TJP3: variants seen among roughly 807,000 people sequenced by gnomAD.
TJP3 encodes the protein tight junction protein 3.
TJP3 carries 85 observed loss-of-function variants against 104.2 expected under a neutral mutation model. That is an observed-to-expected ratio of 0.82 (90% CI 0.68 to 0.98). TJP3 has a LOEUF of 0.98. Among genes scored for constraint, TJP3 ranks in the 50% least tolerant of loss-of-function variants. The pLI is 0.00. For missense variants in TJP3, 1,367 were observed against 1,322.8 expected, an observed-to-expected ratio of 1.03 and a Z score of -0.52; for synonymous variants, 550 against 550.6, an observed-to-expected ratio of 1.00 and a Z score of 0.02.
chr19:3,731,533 T>C (rs2036670999), intron 5 of TJP3, among the ~76,000 whole-genome samples: 1 of 152,186 alleles, frequency 6.6e-6, no homozygotes, highest in African/African-American at 2.4e-5. Flanking sequence ...CCTGGGAGGC[T>C]GAGGCACGAG....
chr19:3,730,264 G>A lies in TJP3; in HGVS notation c.262-91G>A. ...GTTTGGACATTGAGGCCCAGAGAGA[G>A]ACTGGTGTCCCCCAGGGCCACCCGG... On this transcript the variant is annotated intron_variant, in intron 4 of 20. Coordinates refer to ENST00000541714, the MANE Select transcript of TJP3 (RefSeq NM_001267560.2). This position sits in a 1 kb window ranked among gnomAD's most constrained non-coding sequence, Gnocchi z 7.3. 6.8e-7 allele frequency: 1 copy of A among 1,472,294 alleles called. No individual in the cohort carries two copies. The highest frequency in any genetic ancestry group is 9.3e-7 in the Non-Finnish European group (1 of 1,079,708). 91.2% of individuals were successfully genotyped at this position (1,472,294 alleles called of 1,614,324 possible).
chr19:3,735,536 C>G (rs2036727070), intron 8 of TJP3, 30 bp from the exon 9 acceptor site: 1 of 1,611,772 alleles, frequency 6.2e-7, no homozygotes, highest in South Asian at 1.1e-5. Flanking sequence ...AAATCCATCC[C>G]TGCCTCACTC....
In TJP3 at chr19:3,747,955, G is replaced by T. The variant is rs571353377; in HGVS notation, c.2484G>T (p.Gly828=). The part of the protein sequence containing the change: ...DGEGYTDGEG[G]PYTDVDDEPP... ...AGGGCTACACAGACGGCGAGGGGGGGCCCTACACGGATGTGGATGATGAGC... is the reference window on the plus strand; with the variant it reads ...AGGGCTACACAGACGGCGAGGGGGGTCCCTACACGGATGTGGATGATGAGC... The change falls in exon 19 of 21, where the codon GGG becomes GGT. Residue 828 remains glycine (G), a synonymous_variant. Transcript: ENST00000541714. 19 of 1,612,964 alleles carry T rather than the reference G, an allele frequency of 1.2e-5. 1 individual carries two copies. The highest frequency in any genetic ancestry group is 2.7e-5 in the African/African-American group (2 of 75,060).
At chr19:3,748,102 AG>A (rs1240217932) in intron 19 of TJP3, 21 bp downstream of exon 19, 1 of 1,528,014 alleles carries the variant, frequency 6.5e-7, no homozygotes, top group Non-Finnish European at 8.8e-7. Flanking sequence ...CATGGGGGGC[AG>A]GCCTGGGAAG....
At chr19:3,726,929 T>TA (rs1394063939) in intron 1 of TJP3, among the ~76,000 whole-genome samples, 2 of 149,628 alleles carry the variant, frequency 1.3e-5, no homozygotes, top group African/African-American at 2.5e-5. Flanking sequence ...CTACAAACAA[T>TA]AAAAAAAATT....
Position 3,736,003 on chromosome 19 carries a change from G to A in TJP3, c.1127+68G>A, listed in dbSNP as rs570753605. On this transcript the variant is annotated intron_variant, in intron 10 of 20. Coordinates refer to ENST00000541714, the MANE Select transcript of TJP3 (RefSeq NM_001267560.2). ...ATCCCAGGCTGCCTCCCTCATCAGCGCAATCCTGCCTGCTTGTATCCATTG... is the reference window on the plus strand; with the variant it reads ...ATCCCAGGCTGCCTCCCTCATCAGCACAATCCTGCCTGCTTGTATCCATTG... The A allele has an allele frequency of 2.8e-5, 44 of 1,599,528 alleles. 1 individual carries two copies. The Middle Eastern group carries it at 1.0e-3, about 36-fold the overall frequency.
intron 1 of TJP3, among the ~76,000 whole-genome samples, chr19:3,720,912 T>TTC (rs1417707510): frequency 6.8e-6 from 1 of 146,156 alleles, no homozygotes; most frequent in Non-Finnish European, 1.5e-5. Context: ...TTTTTTTTTT[T>TTC]TTTTTTTTGA....
intron 15 of TJP3, among the ~76,000 whole-genome samples, chr19:3,745,745 GTC>G (rs2036878759): frequency 6.6e-6 from 1 of 152,182 alleles, no homozygotes. Flanking sequence ...GTGGCCTGTT[GTC>G]TCTGAGCCTC....
chr19:3,742,315 C>T (rs1276750251), intron 14 of TJP3, among the ~76,000 whole-genome samples: 1 of 151,696 alleles, frequency 6.6e-6, no homozygotes, highest in Non-Finnish European at 1.5e-5. Context: ...CGCCAGTAGT[C>T]CCAGCTACTT....
In TJP3 at chr19:3,747,902, G is replaced by A. The variant is rs746465166; in HGVS notation, c.2431G>A (p.Gly811Ser). 30 of 1,613,192 alleles carry A rather than the reference G, an allele frequency of 1.9e-5. No homozygotes were observed. The highest frequency in any genetic ancestry group is 9.9e-5 in the South Asian group (9 of 91,064). The change falls in exon 19 of 21, where the codon GGC (glycine) becomes AGC (serine). Residue 811 changes from glycine to serine, a missense_variant. Physicochemically the swap from Gly to Ser is moderately conservative, Grantham distance 56 (BLOSUM62 0). Transcript: ENST00000541714. The stretch of plus-strand genomic sequence containing the variant: ...CGTTAACAGCGACTACGAGACGGAC[G>A]GCGAGGGCGGCGCGTACACGGATGG... ...SRVNSDYETD[G>S]EGGAYTDGEG...
At chr19:3,719,132 C>T (rs1599144268) in intron 1 of TJP3, among the ~76,000 whole-genome samples, 1 of 151,962 alleles carries the variant, frequency 6.6e-6, no homozygotes, top group Admixed American at 6.6e-5. Context: ...TGCAGTGAGC[C>T]GAGACTGCGC....
Position 3,746,064 on chromosome 19 carries a change from C to A in TJP3, c.1993C>A (p.Arg665=), listed in dbSNP as rs781231267. The change falls in exon 16 of 21, where the codon CGG becomes AGG. Residue 665 remains arginine, a synonymous_variant. Coordinates refer to ENST00000541714, the MANE Select transcript of TJP3 (RefSeq NM_001267560.2). This position sits in a 1 kb window ranked among gnomAD's most constrained non-coding sequence, Gnocchi z 4.1. Reference sequence around the variant, plus strand: ...CAAGATCATCAAACTAGACACCGTGCGGGTGATTGCAGAAAAAGTAAGCCG... The same window carrying A: ...CAAGATCATCAAACTAGACACCGTGAGGGTGATTGCAGAAAAAGTAAGCCG... ...PSKIIKLDTV[R]VIAEKDKHAL... The A allele has an allele frequency of 5.0e-6, 8 of 1,609,146 alleles. No homozygotes were observed. In the Admixed American group the frequency reaches 1.3e-4, roughly 27 times the overall value.
chr19:3,746,558 T>A lies in TJP3; in HGVS notation c.2084T>A (p.Val695Glu). 6.2e-7 allele frequency: 1 copy of A among 1,614,068 alleles called. No individual in the cohort carries two copies. Among genetic ancestry groups the A allele is most frequent in the South Asian group, 1.1e-5 (1 of 91,084 alleles). Residue 695 changes from valine (V) to glutamate (E), a missense_variant, in exon 17 of 21, where the codon GTG (valine) becomes GAG (glutamate). Physicochemically the swap from Val to Glu is moderately radical, Grantham distance 121. Coordinates refer to ENST00000541714, the MANE Select transcript of TJP3 (RefSeq NM_001267560.2). The surrounding 1 kb of genome is among the most constrained non-coding windows in gnomAD (Gnocchi z 4.1). ...AACTATGTGCAGTACTACCCCATTGTGGTCTTCTTCATCCCCGAGAGCCGG... is the reference window on the plus strand; with the variant it reads ...AACTATGTGCAGTACTACCCCATTGAGGTCTTCTTCATCCCCGAGAGCCGG... ...RLNYVQYYPI[V>E]VFFIPESRPA... is the part of the protein sequence containing the mutation.
At chr19:3,722,847 A>C (rs2036554583) in intron 1 of TJP3, among the ~76,000 whole-genome samples, 1 of 3,346 alleles carries the variant, frequency 3.0e-4, no homozygotes, top group Non-Finnish European at 6.0e-4. Context: ...GTTCCTGGAG[A>C]TGGGGTGGCG....
chr19:3,747,885 G>A lies in TJP3; in HGVS notation c.2414G>A (p.Ser805Asn), dbSNP rs1374108279. Residue 805 changes from serine to asparagine, a missense_variant, in exon 19 of 21, where the codon AGC (serine) becomes AAC (asparagine). Transcript: ENST00000541714. ...CTCAGCTGCGACAGCCGCGTTAACA[G>A]CGACTACGAGACGGACGGCGAGGGC... Reference protein sequence around the residue: ...ADLSCDSRVNSDYETDGEGGA... With the variant: ...ADLSCDSRVNNDYETDGEGGA... The A allele has an allele frequency of 1.2e-6, 2 of 1,613,224 alleles. No individual in the cohort carries two copies. The highest frequency in any genetic ancestry group is 1.7e-6 in the Non-Finnish European group (2 of 1,179,948).
At chr19:3,712,833 C>G (rs536036889) in intron 1 of TJP3, among the ~76,000 whole-genome samples, 7 of 151,958 alleles carry the variant, frequency 4.6e-5, no homozygotes, top group Non-Finnish European at 1.0e-4. Flanking sequence ...CCTGTGGCCC[C>G]AGCTACACAG....
intron 6 of TJP3, 117 bp from the exon 7 acceptor site, chr19:3,733,636 G>A (rs2036699727): frequency 2.3e-5 from 34 of 1,456,992 alleles, no homozygotes; most frequent in Non-Finnish European, 3.0e-5. Context: ...GGGAGTGGCT[G>A]TTTTTAGCAA....
chr19:3,722,936 T>C (rs1222858761), intron 1 of TJP3, among the ~76,000 whole-genome samples: 3 of 88,800 alleles, frequency 3.4e-5, no homozygotes, highest in African/African-American at 4.4e-5. Flanking sequence ...CCCCGTCCCC[T>C]CTGGGCGGGC....
intron 1 of TJP3, among the ~76,000 whole-genome samples, chr19:3,723,823 AT>A (rs1568380000): frequency 2.0e-5 from 3 of 148,190 alleles, no homozygotes; most frequent in Non-Finnish European, 3.0e-5. Flanking sequence ...ATATATATAT[AT>A]ATATAAAATA....
Sources: allele counts gnomAD v4.1 joint callset (sites outside exome capture counted in the v4.1 genomes callset), GRCh38; gene constraint gnomAD v4.1.1; non-coding constraint Gnocchi (gnomAD v3.1); transcripts MANE v1.5; gene names NCBI Gene and HGNC (gene_info 2026-07-23, HGNC 2026-07-21).